Variants in PPFIA2 observed in about 807,000 individuals in gnomAD.
PPFIA2 encodes the protein PPFI scaffold protein A2.
PPFIA2 carries 46 observed loss-of-function variants against 175.5 expected under a neutral mutation model. The observed-to-expected ratio is 0.26, with a 90% CI of 0.21 to 0.34. The LOEUF is 0.34. Ranked by LOEUF, PPFIA2 falls within the 10% of genes least tolerant of loss-of-function variation. The pLI is 1.00. For missense variants in PPFIA2, 1,179 were observed against 1,506.1 expected, an observed-to-expected ratio of 0.78 and a Z score of 3.60; for synonymous variants, 568 against 511.4, an observed-to-expected ratio of 1.11 and a Z score of -1.49.
chr12:81,610,106 G>C (rs1032115970), intron 4 of PPFIA2, among the ~76,000 whole-genome samples: 1 of 152,012 alleles, frequency 6.6e-6, no homozygotes. Context: ...TATCTCTTCC[G>C]GCAAGTAGGA....
At chr12:81,410,612 G>T (rs1402414106) in intron 7 of PPFIA2, among the ~76,000 whole-genome samples, 1 of 151,884 alleles carries the variant, frequency 6.6e-6, no homozygotes, top group South Asian at 2.1e-4. Context: ...TTTGCTTTCA[G>T]GTATCCCTTC....
rs149269422 is a variant in PPFIA2 at position 81,414,458 on chromosome 12, T to C, written c.646-8555A>G. ...CACTTAAACTTACCCTGAAAAAAAA[T>C]TAACTACTTTTTAAAATAAACTACA... On this transcript the variant is annotated intron_variant, in intron 7 of 32. Transcript: ENST00000549396. 2.9e-3 allele frequency among the ~76,000 whole-genome samples: 441 copies of C among 151,770 alleles called. 6 individuals carry two copies. Among genetic ancestry groups the C allele is most frequent in the African/African-American group, 9.9e-3 (411 of 41,512 alleles).
chr12:81,429,315 G>C (rs555489130), intron 7 of PPFIA2, among the ~76,000 whole-genome samples: 2 of 151,960 alleles, frequency 1.3e-5, no homozygotes, highest in Non-Finnish European at 1.5e-5. Flanking sequence ...TTATTTTTAG[G>C]ATTCTGAAAT....
At chr12:81,634,572 C>T (rs1480551411) in intron 4 of PPFIA2, among the ~76,000 whole-genome samples, 1 of 151,964 alleles carries the variant, frequency 6.6e-6, no homozygotes, top group Non-Finnish European at 1.5e-5. Flanking sequence ...CAGTTCATCA[C>T]ACCAGAGGCT....
chr12:81,392,890 A>G, intron 8 of PPFIA2, among the ~76,000 whole-genome samples: 1 of 151,848 alleles, frequency 6.6e-6, no homozygotes, highest in Middle Eastern at 3.2e-3. Flanking sequence ...TTTTTCTCCC[A>G]TCTTTTATAC....
rs137866804 is a variant in PPFIA2 at position 81,690,570 on chromosome 12, T to C, written c.250-13726A>G. On this transcript the variant is annotated intron_variant, in intron 3 of 32. Coordinates refer to ENST00000549396, the MANE Select transcript of PPFIA2 (RefSeq NM_003625.5). ...GAGCTGCAGAGTGGGCAGTGCATCTTAAAGTGCTTGACCTAAGAGGACTGC... is the reference window on the plus strand; with the variant it reads ...GAGCTGCAGAGTGGGCAGTGCATCTCAAAGTGCTTGACCTAAGAGGACTGC... Among the ~76,000 whole-genome samples the C allele has an allele frequency of 6.2e-3, 940 of 152,188 alleles. 10 individuals are homozygous for C. The highest frequency in any genetic ancestry group is 0.021 in the African/African-American group (867 of 41,540).
intron 3 of PPFIA2, among the ~76,000 whole-genome samples, chr12:81,687,744 A>C (rs2074640984): frequency 6.6e-6 from 1 of 151,940 alleles, no homozygotes; most frequent in African/African-American, 2.4e-5. Context: ...ACAAATTAGA[A>C]AGGTTTGGAA....
chr12:81,331,340 C>T (rs986698881), intron 21 of PPFIA2, among the ~76,000 whole-genome samples: 5 of 152,092 alleles, frequency 3.3e-5, no homozygotes, highest in African/African-American at 1.2e-4. Context: ...TTCCATACAG[C>T]CTGGGTAGGT....
chr12:81,357,846 C>A (rs541342166), intron 16 of PPFIA2, among the ~76,000 whole-genome samples: 1 of 152,200 alleles, frequency 6.6e-6, no homozygotes, highest in East Asian at 1.9e-4. Flanking sequence ...ACTTAGTATA[C>A]AAGTAGTACC....
intron 4 of PPFIA2, among the ~76,000 whole-genome samples, chr12:81,548,827 G>C (rs955741707): frequency 6.6e-6 from 1 of 152,062 alleles, no homozygotes; most frequent in Admixed American, 6.6e-5. Context: ...TTGAATAAAT[G>C]TTAAGCAAAT....
intron 8 of PPFIA2, among the ~76,000 whole-genome samples, chr12:81,392,554 T>A (rs1330013951): frequency 6.6e-6 from 1 of 151,936 alleles, no homozygotes; most frequent in Non-Finnish European, 1.5e-5. Flanking sequence ...TGTTACTTTA[T>A]CAGAAAGGCC....
intron 30 of PPFIA2, among the ~76,000 whole-genome samples, chr12:81,265,229 G>A (rs2036870672): frequency 1.4e-5 from 2 of 137,972 alleles, no homozygotes; most frequent in Non-Finnish European, 3.1e-5. Flanking sequence ...GGAGACGGAG[G>A]TTGTGGTGAG....
At chr12:81,749,871 T>C (rs914559872) in intron 3 of PPFIA2, among the ~76,000 whole-genome samples, 2 of 143,958 alleles carry the variant, frequency 1.4e-5, no homozygotes, top group East Asian at 4.3e-4. Flanking sequence ...TATTTCAAGT[T>C]TATTGTTCTT....
At chr12:81,439,250 G>A (rs2049696699) in intron 7 of PPFIA2, among the ~76,000 whole-genome samples, 1 of 148,798 alleles carries the variant, frequency 6.7e-6, no homozygotes, top group African/African-American at 2.5e-5. Context: ...CTGTCTATAG[G>A]AGACTATAAT....
chr12:81,557,964 A>G (rs1005164063), intron 4 of PPFIA2, among the ~76,000 whole-genome samples: 13 of 152,110 alleles, frequency 8.5e-5, no homozygotes, highest in African/African-American at 3.1e-4. Flanking sequence ...GGGTAGCACA[A>G]TTATAGGGGA....
At chr12:81,757,622 G>A (rs1922560) in intron 2 of PPFIA2, among the ~76,000 whole-genome samples, 127,160 of 152,116 alleles carry the variant, frequency 0.84, 54,677 homozygotes, top group Middle Eastern at 0.96. Context: ...TTAGCACATA[G>A]CCTTGACTGT....
intron 4 of PPFIA2, among the ~76,000 whole-genome samples, chr12:81,480,539 C>A (rs957501187): frequency 1.3e-5 from 2 of 152,094 alleles, no homozygotes; most frequent in Non-Finnish European, 2.9e-5. Context: ...TCCTCATCTT[C>A]GTGGATTTAT....
chr12:81,559,339 T>C (rs1464816553), intron 4 of PPFIA2, among the ~76,000 whole-genome samples: 1 of 152,202 alleles, frequency 6.6e-6, no homozygotes, highest in Non-Finnish European at 1.5e-5. Context: ...TGTGCACATA[T>C]AATAGTTAGC....
At chr12:81,516,404 T>C (rs1388555077) in intron 4 of PPFIA2, among the ~76,000 whole-genome samples, 1 of 152,198 alleles carries the variant, frequency 6.6e-6, no homozygotes. Context: ...CACTTTGTTG[T>C]TATGGGTTGA....
Sources: allele counts gnomAD v4.1 joint callset (sites outside exome capture counted in the v4.1 genomes callset), GRCh38; gene constraint gnomAD v4.1.1; transcripts MANE v1.5; gene names NCBI Gene and HGNC (gene_info 2026-07-23, HGNC 2026-07-21).